The following UBAP2 variants were observed in gnomAD, a reference collection of about 807,000 sequenced individuals.
The protein encoded by UBAP2 is ubiquitin associated protein 2, also known as ubiquitin-associated protein 2.
Under a neutral mutation model 139.6 loss-of-function variants are expected in UBAP2, and 75 were observed. That is an observed-to-expected ratio of 0.54 (90% CI 0.45 to 0.65). UBAP2 has a LOEUF of 0.65. Among genes scored for constraint, UBAP2 ranks in the 30% least tolerant of loss-of-function variants. The pLI is 0.00. For missense variants in UBAP2, 1,368 were observed against 1,369.6 expected (o/e 1.00, Z 0.02); for synonymous variants, 526 against 526.2 (o/e 1.00, Z 0.01).
chr9:33,995,494 AATAT>A (rs201457619), intron 4 of UBAP2: 1 of 134,690 alleles, frequency 7.4e-6, no homozygotes, highest in Non-Finnish European at 1.5e-5. Flanking sequence ...TATATTATTA[AATAT>A]ATATATTTAT....
intron 10 of UBAP2, among the ~76,000 whole-genome samples, chr9:33,956,979 A>C (rs1333476240): frequency 2.6e-5 from 4 of 151,926 alleles, no homozygotes; most frequent in African/African-American, 9.7e-5. Context: ...TGTCCCAGCT[A>C]CATGGGAGGC....
At chr9:33,942,155 T>C (rs1184960674) in intron 15 of UBAP2, among the ~76,000 whole-genome samples, 3 of 151,662 alleles carry the variant, frequency 2.0e-5, no homozygotes, top group East Asian at 3.9e-4. Flanking sequence ...CTACTAAAAA[T>C]ACAAAAATTA....
intron 13 of UBAP2, among the ~76,000 whole-genome samples, chr9:33,945,401 A>G (rs1344701708): frequency 1.3e-5 from 2 of 152,026 alleles, no homozygotes; most frequent in South Asian, 2.1e-4. Context: ...CGGGAGGCTG[A>G]GGCAGGCCCT....
intron 16 of UBAP2, among the ~76,000 whole-genome samples, chr9:33,938,608 G>A (rs887864097): frequency 2.6e-5 from 4 of 151,966 alleles, no homozygotes; most frequent in African/African-American, 9.7e-5. Flanking sequence ...ACCAGCCTGG[G>A]CAACATGGTG....
rs112522552 is a variant in UBAP2 at position 33,986,444 on chromosome 9, T to C, written c.520+316A>G. Among the ~76,000 whole-genome samples, 521 of 152,270 alleles carry C rather than the reference T, an allele frequency of 3.4e-3. 5 individuals are homozygous for C. Among genetic ancestry groups the C allele is most frequent in the African/African-American group, 0.012 (489 of 41,536 alleles). On this transcript the variant is annotated intron_variant, in intron 6 of 28. Coordinates refer to ENST00000379238, the MANE Select transcript of UBAP2 (RefSeq NM_001370062.2). ...TTTTAGCAATAAAGTATTTTTAAAA[T>C]AAGGTTTAAAAAACCCTATTGCATT... is the stretch of plus-strand genomic sequence containing the variant.
At chr9:33,969,914 T>C (rs1269139596) in intron 8 of UBAP2, among the ~76,000 whole-genome samples, 1 of 136,918 alleles carries the variant, frequency 7.3e-6, no homozygotes, top group Non-Finnish European at 1.5e-5. Flanking sequence ...AAATACCGTG[T>C]ATAATTCTTT....
At chr9:33,986,700 G>C (rs1048196247) in intron 6 of UBAP2, 60 bp downstream of exon 6, 3 of 1,410,568 alleles carry the variant, frequency 2.1e-6, no homozygotes, top group East Asian at 4.6e-5. Flanking sequence ...GTCCAGCAAC[G>C]CAACTGCCTG....
At chr9:34,020,508 T>C (rs1476919855) in intron 1 of UBAP2, among the ~76,000 whole-genome samples, 1 of 151,182 alleles carries the variant, frequency 6.6e-6, no homozygotes, top group Non-Finnish European at 1.5e-5. Context: ...GTATTTTTAG[T>C]AGAGATGGGG....
chr9:33,977,344 A>T (rs1203273523), intron 6 of UBAP2, among the ~76,000 whole-genome samples: 2 of 151,984 alleles, frequency 1.3e-5, no homozygotes, highest in Non-Finnish European at 2.9e-5. Flanking sequence ...GCCAAACAAA[A>T]AATTTTTAAA....
chr9:34,035,500 T>TAAAAA (rs1202143092), intron 1 of UBAP2, among the ~76,000 whole-genome samples: 2 of 36,674 alleles, frequency 5.5e-5, no homozygotes, highest in African/African-American at 1.7e-4. Flanking sequence ...AGACTCCATC[T>TAAAAA]AAAAAAAAAA....
At chr9:33,990,857 G>A (rs1024028468) in intron 4 of UBAP2, among the ~76,000 whole-genome samples, 1 of 151,896 alleles carries the variant, frequency 6.6e-6, no homozygotes, top group Non-Finnish European at 1.5e-5. Context: ...GGGTGCTCTC[G>A]AACTCCTGAC....
chr9:33,943,696 A>G lies in UBAP2; in HGVS notation c.1546-107T>C, dbSNP rs868081735. On this transcript the variant is annotated intron_variant, in intron 14 of 28. Transcript: ENST00000379238. ...TTTAGGTTCCCAGGCAATACTGGCAAGAAGAAGGAGTGAGAAACAAGGAGA... is the reference window on the plus strand; with the variant it reads ...TTTAGGTTCCCAGGCAATACTGGCAGGAAGAAGGAGTGAGAAACAAGGAGA... The G allele has an allele frequency of 2.1e-5, 21 of 983,538 alleles. No individual in the cohort carries two copies. In the African/African-American group the frequency reaches 2.8e-4, roughly 13 times the overall value. The allele number at this position is 983,538 out of a possible 1,614,324, so 60.9% of individuals were successfully genotyped here.
At chr9:33,995,507 A>G (rs1822109480) in intron 4 of UBAP2, 2 of 132,236 alleles carry the variant, frequency 1.5e-5, no homozygotes, top group Non-Finnish European at 3.1e-5. Context: ...ATATATATTT[A>G]TATTATTAAA....
At position 34,000,680 on chromosome 9, in the gene UBAP2, TA is replaced by T. The variant is rs199607241; in HGVS notation, c.100-1817del. ...CCATAAGGAACTAATAAACAGCTTT[TA>T]TTCTGAGTTTTTTATATACACTCAT... is the stretch of plus-strand genomic sequence containing the variant. On this transcript the variant is annotated intron_variant, in intron 2 of 28. Transcript: ENST00000379238. Among the ~76,000 whole-genome samples the T allele has an allele frequency of 4.9e-3, 752 of 152,080 alleles. 5 individuals are homozygous for T. Among genetic ancestry groups the T allele is most frequent in the African/African-American group, 0.016 (678 of 41,326 alleles).
At chr9:33,979,966 G>A (rs772558618) in intron 6 of UBAP2, among the ~76,000 whole-genome samples, 3 of 151,178 alleles carry the variant, frequency 2.0e-5, no homozygotes, top group Non-Finnish European at 4.4e-5. Flanking sequence ...CCAGCTACTC[G>A]GGAGGCTAAG....
At chr9:34,040,162 A>T (rs1424929248) in intron 1 of UBAP2, among the ~76,000 whole-genome samples, 2 of 151,094 alleles carry the variant, frequency 1.3e-5, no homozygotes, top group Non-Finnish European at 3.0e-5. Flanking sequence ...TCCGTCTCAA[A>T]AAAAAAAAAA....
intron 6 of UBAP2, among the ~76,000 whole-genome samples, chr9:33,981,788 A>T (rs920705651): frequency 7.3e-6 from 1 of 137,648 alleles, no homozygotes; most frequent in Admixed American, 7.6e-5. Context: ...GGTAGGAAGG[A>T]AGGAAGGAAG....
Position 34,007,787 on chromosome 9 carries a change from C to T in UBAP2, c.100-8923G>A, listed in dbSNP as rs1265997203. 5.3e-5 allele frequency among the ~76,000 whole-genome samples: 8 copies of T among 151,830 alleles called. No individual in the cohort carries two copies. The East Asian group carries it at 5.9e-4, about 11-fold the overall frequency. ...CCGAGTAGCTGGGACTACAGGCACC[C>T]GCCACCACTCCCGGCTAATTTTTTT... On this transcript the variant is annotated intron_variant, in intron 2 of 28. Coordinates refer to ENST00000379238, the MANE Select transcript of UBAP2 (RefSeq NM_001370062.2).
At chr9:34,048,771 C>CT (rs1827858018) in intron 1 of UBAP2, 54 bp downstream of exon 1, 1 of 152,200 alleles carries the variant, frequency 6.6e-6, no homozygotes, top group South Asian at 2.1e-4. Flanking sequence ...AAAGCACACG[C>CT]TGCAGCGCTC....
Sources: allele counts gnomAD v4.1 joint callset (sites outside exome capture counted in the v4.1 genomes callset), GRCh38; gene constraint gnomAD v4.1.1; transcripts MANE v1.5; gene names NCBI Gene and HGNC (gene_info 2026-07-23, HGNC 2026-07-21).